Variants in DYNLT5 observed in about 807,000 individuals in gnomAD.
The protein encoded by DYNLT5 is dynein light chain Tctex-type family member 5, also known as dynein light chain Tctex-type 5.
A neutral mutation model predicts 19.3 loss-of-function variants in DYNLT5; 25 were observed. The observed-to-expected ratio is 1.30, with a 90% CI of 0.95 to 1.81. The LOEUF is 1.81. DYNLT5 is among the 40% of genes most tolerant of loss of function. DYNLT5 has a pLI of 0.00. For missense variants in DYNLT5, 232 were observed against 217.9 expected (o/e 1.06, Z -0.41); for synonymous variants, 82 against 68.9 (o/e 1.19, Z -0.94).
chr1:66,776,472 A>G, intron 4 of DYNLT5, 69 bp downstream of exon 4: 1 of 1,509,844 alleles, frequency 6.6e-7, no homozygotes, highest in East Asian at 2.3e-5. Context: ...CGGACCCTCT[A>G]CTTTTTTGAT....
intron 2 of DYNLT5, among the ~76,000 whole-genome samples, chr1:66,755,461 A>G (rs1220183896): frequency 2.0e-5 from 3 of 152,190 alleles, no homozygotes; most frequent in Non-Finnish European, 4.4e-5. Context: ...TGGGAAGAAA[A>G]CAAAACAAAT....
intron 1 of DYNLT5, among the ~76,000 whole-genome samples, chr1:66,754,042 C>G (rs1404953958): frequency 6.6e-6 from 1 of 150,880 alleles, no homozygotes; most frequent in Non-Finnish European, 1.5e-5. Flanking sequence ...CCCAGGAGTT[C>G]AAGACCAGCC....
Position 66,773,586 on chromosome 1 carries a change from G to A in DYNLT5, c.212-2693G>A, listed in dbSNP as rs565765744. ...ACTAATAAGATCACATATCTAAGGAGTGTTTTATTGTGTGACAAGCACTGT... is the reference window on the plus strand; with the variant it reads ...ACTAATAAGATCACATATCTAAGGAATGTTTTATTGTGTGACAAGCACTGT... On this transcript the variant is annotated intron_variant, in intron 3 of 4. Coordinates refer to ENST00000282670, the MANE Select transcript of DYNLT5 (RefSeq NM_152665.3). 1.4e-4 allele frequency among the ~76,000 whole-genome samples: 21 copies of A among 152,174 alleles called. 1 individual carries two copies. The East Asian group carries it at 3.7e-3, about 27-fold the overall frequency.
intron 2 of DYNLT5, 120 bp from the exon 3 acceptor site, chr1:66,770,267 G>T: frequency 1.5e-6 from 1 of 681,020 alleles, no homozygotes; most frequent in Non-Finnish European, 2.6e-6. Context: ...ATTTACATAA[G>T]ACTTACTTGA....
intron 2 of DYNLT5, among the ~76,000 whole-genome samples, chr1:66,760,374 A>G (rs1473901227): frequency 6.6e-6 from 1 of 152,132 alleles, no homozygotes; most frequent in Non-Finnish European, 1.5e-5. Flanking sequence ...ATATTTTGTG[A>G]TCATCGAATG....
intron 2 of DYNLT5, among the ~76,000 whole-genome samples, chr1:66,765,409 ACT>A (rs2094652972): frequency 1.3e-5 from 2 of 152,218 alleles, no homozygotes; most frequent in South Asian, 4.1e-4. Flanking sequence ...TATAATAATA[ACT>A]CTGAAAACGT....
At chr1:66,770,304 T>C in intron 2 of DYNLT5, 83 bp from the exon 3 acceptor site, 2 of 926,876 alleles carry the variant, frequency 2.2e-6, no homozygotes, top group Non-Finnish European at 3.4e-6. Context: ...TTCATCTTTG[T>C]AACATTTTAG....
At chr1:66,764,393 A>G (rs2094650961) in intron 2 of DYNLT5, among the ~76,000 whole-genome samples, 1 of 152,270 alleles carries the variant, frequency 6.6e-6, no homozygotes, top group South Asian at 2.1e-4. Flanking sequence ...CCACTGTAGG[A>G]TTATTAATTG....
In DYNLT5 at chr1:66,757,952, C is replaced by T. The variant is rs903787725; in HGVS notation, c.119+3175C>T. On this transcript the variant is annotated intron_variant, in intron 2 of 4. Transcript: ENST00000282670. ...AGAGTTGAGTAGTTACAATAGAAAC[C>T]GTAGGGCCTGCAAATCCAAAAATAT... Among the ~76,000 whole-genome samples the T allele has an allele frequency of 5.3e-5, 8 of 152,182 alleles. No homozygotes were observed. In the East Asian group the frequency reaches 7.7e-4, roughly 15 times the overall value.
At chr1:66,766,209 T>C (rs1313221563) in intron 2 of DYNLT5, among the ~76,000 whole-genome samples, 1 of 152,206 alleles carries the variant, frequency 6.6e-6, no homozygotes, top group Non-Finnish European at 1.5e-5. Flanking sequence ...AGCAAGAATA[T>C]TTTTTATATT....
chr1:66,762,668 A>G (rs2094648033), intron 2 of DYNLT5, among the ~76,000 whole-genome samples: 1 of 152,254 alleles, frequency 6.6e-6, no homozygotes, highest in Non-Finnish European at 1.5e-5. Flanking sequence ...TATGACAGCA[A>G]TAGCCTTACA....
chr1:66,760,786 A>G, intron 2 of DYNLT5, among the ~76,000 whole-genome samples: 1 of 152,228 alleles, frequency 6.6e-6, no homozygotes, highest in East Asian at 1.9e-4. Context: ...AAGAGCTGCA[A>G]CAAAAGTTCA....
At chr1:66,754,862 G>A in intron 2 of DYNLT5, 85 bp downstream of exon 2, 1 of 1,393,364 alleles carries the variant, frequency 7.2e-7, no homozygotes, top group Non-Finnish European at 9.4e-7. Context: ...ACTTCCTCGG[G>A]GACATAAAAA....
intron 2 of DYNLT5, among the ~76,000 whole-genome samples, chr1:66,756,006 C>G (rs1162358983): frequency 6.6e-6 from 1 of 152,078 alleles, no homozygotes. Context: ...ATTTGCATGA[C>G]TTTTACTTAT....
chr1:66,766,983 G>A (rs544789282), intron 2 of DYNLT5, among the ~76,000 whole-genome samples: 46 of 152,236 alleles, frequency 3.0e-4, no homozygotes, highest in African/African-American at 9.4e-4. Context: ...TGGGGCCTAC[G>A]TGAGGGTTGA....
At chr1:66,773,205 G>T (rs10493418) in intron 3 of DYNLT5, among the ~76,000 whole-genome samples, 18,192 of 152,094 alleles carry the variant, frequency 0.12, 1,159 homozygotes, top group South Asian at 0.16. Flanking sequence ...TTGCAAACAT[G>T]GACTGCGAGC....
intron 2 of DYNLT5, among the ~76,000 whole-genome samples, chr1:66,756,919 C>T (rs1300251170): frequency 1.3e-5 from 2 of 152,244 alleles, no homozygotes; most frequent in African/African-American, 2.4e-5. Flanking sequence ...TCTTCTTACA[C>T]TATTCCCCTG....
chr1:66,757,766 C>T (rs530025147), intron 2 of DYNLT5, among the ~76,000 whole-genome samples: 3 of 151,884 alleles, frequency 2.0e-5, no homozygotes, highest in African/African-American at 4.8e-5. Flanking sequence ...TTGCTAAATA[C>T]GATTTTTACA....
chr1:66,754,544 G>T, intron 1 of DYNLT5, 112 bp from the exon 2 acceptor site: 1 of 1,190,140 alleles, frequency 8.4e-7, no homozygotes, highest in Non-Finnish European at 1.1e-6. Context: ...CCACTTTCCT[G>T]TTCAAAAATG....
Sources: gnomAD v4.1 joint callset for allele counts (sites outside exome capture counted in the v4.1 genomes callset) on GRCh38, gnomAD v4.1.1 for gene constraint, MANE v1.5 for transcripts, NCBI Gene and HGNC (gene_info 2026-07-23, HGNC 2026-07-21) for gene names.